DOCK4: variants seen among roughly 807,000 people sequenced by gnomAD.
DOCK4 encodes the protein dedicator of cytokinesis 4.
A neutral mutation model predicts 268.1 loss-of-function variants in DOCK4; 97 were observed. That is an observed-to-expected ratio of 0.36 (90% confidence interval 0.31 to 0.43). The LOEUF (loss-of-function observed/expected upper bound fraction) is 0.43. DOCK4 is among the 20% of genes least tolerant of loss of function. The pLI is 1.00. For synonymous variants in DOCK4, 954 were observed against 887.2 expected, an observed-to-expected ratio of 1.08 and a Z score of -1.34; for missense variants, 2,145 against 2,455.7, an observed-to-expected ratio of 0.87 and a Z score of 2.67.
intron 18 of DOCK4, 55 bp downstream of exon 18, chr7:111,872,412 A>T: frequency 6.5e-7 from 1 of 1,530,244 alleles, no homozygotes. Context: ...TTTCCTCCAA[A>T]TGTTCTTTAT....
At chr7:111,970,047 C>G (rs1797582806) in intron 8 of DOCK4, among the ~76,000 whole-genome samples, 1 of 152,116 alleles carries the variant, frequency 6.6e-6, no homozygotes, top group African/African-American at 2.4e-5. Flanking sequence ...CAGTGATTTC[C>G]CCTCTCCCTC....
chr7:111,732,708 C>T (rs1053650373), intron 51 of DOCK4, among the ~76,000 whole-genome samples: 1 of 152,198 alleles, frequency 6.6e-6, no homozygotes, highest in Non-Finnish European at 1.5e-5. Flanking sequence ...ACCATGGCCA[C>T]CCCAGCAGCC....
intron 13 of DOCK4, among the ~76,000 whole-genome samples, chr7:111,909,719 G>A (rs925562257): frequency 2.0e-5 from 3 of 152,178 alleles, no homozygotes; most frequent in African/African-American, 7.2e-5. Flanking sequence ...CAGCACTTTG[G>A]GAAGCTGAGG....
chr7:111,875,574 G>A (rs1216833747), intron 17 of DOCK4, among the ~76,000 whole-genome samples: 1 of 152,206 alleles, frequency 6.6e-6, no homozygotes, highest in Non-Finnish European at 1.5e-5. Flanking sequence ...AGATTACACT[G>A]GATTATCCAG....
intron 1 of DOCK4, among the ~76,000 whole-genome samples, chr7:112,085,076 C>T (rs1368864536): frequency 6.6e-6 from 1 of 152,088 alleles, no homozygotes; most frequent in African/African-American, 2.4e-5. Flanking sequence ...CTAGTATATT[C>T]ACTTCAACAT....
rs999781413 is a variant in DOCK4, at chr7:112,090,106, T to A, written c.38-85975A>T. 1.1e-4 allele frequency among the ~76,000 whole-genome samples: 16 copies of A among 152,290 alleles called. No homozygotes were observed. The East Asian group carries it at 2.3e-3, about 22-fold the overall frequency. On this transcript the variant is annotated intron_variant, in intron 1 of 52. Transcript: ENST00000428084. ...CAAGGATAAGCCCCTGGAACTTCTA[T>A]TTTAGCTTTTAGTCTCAAGGTAAAG...
chr7:112,014,035 T>A (rs1453876487), intron 1 of DOCK4, among the ~76,000 whole-genome samples: 3 of 152,342 alleles, frequency 2.0e-5, no homozygotes, highest in Non-Finnish European at 2.9e-5. Context: ...AGGTGTGCAG[T>A]TGACTTATTT....
chr7:111,746,473 A>T (rs1425333982), intron 43 of DOCK4, 56 bp from the exon 44 acceptor site: 2 of 1,428,166 alleles, frequency 1.4e-6, no homozygotes, highest in African/African-American at 2.8e-5. Flanking sequence ...CAAGTCAAAG[A>T]CAAGTTGTTT....
At chr7:111,772,125 G>C (rs966555619) in intron 36 of DOCK4, among the ~76,000 whole-genome samples, 1 of 152,174 alleles carries the variant, frequency 6.6e-6, no homozygotes, top group African/African-American at 2.4e-5. Flanking sequence ...GTGTTTAATG[G>C]GTACAGAGTT....
intron 1 of DOCK4, among the ~76,000 whole-genome samples, chr7:112,101,419 T>A (rs933236864): frequency 6.6e-6 from 1 of 152,206 alleles, no homozygotes; most frequent in Non-Finnish European, 1.5e-5. Flanking sequence ...GTATACACCG[T>A]TGCTTAGCAT....
At chr7:111,844,735 C>A in intron 25 of DOCK4, 28 bp downstream of exon 25, 1 of 1,600,440 alleles carries the variant, frequency 6.2e-7, no homozygotes, top group South Asian at 1.1e-5. Context: ...AGGCCCTGTT[C>A]CACGTGCCAT....
At chr7:111,815,059 T>C (rs1210575355) in intron 27 of DOCK4, among the ~76,000 whole-genome samples, 1 of 152,152 alleles carries the variant, frequency 6.6e-6, no homozygotes, top group African/African-American at 2.4e-5. Context: ...TCACAGCCAA[T>C]CAAAATTAAA....
intron 8 of DOCK4, chr7:111,953,784 G>A (rs561810664): frequency 8.5e-5 from 13 of 152,354 alleles, no homozygotes; most frequent in African/African-American, 3.1e-4. Context: ...TCTTCTACCA[G>A]GGAGAACAAA....
intron 22 of DOCK4, among the ~76,000 whole-genome samples, chr7:111,863,826 A>G (rs1200810025): frequency 6.6e-6 from 1 of 152,214 alleles, no homozygotes; most frequent in Non-Finnish European, 1.5e-5. Context: ...AGGATTGACA[A>G]AAACCTCACA....
rs1278766352 is a variant in DOCK4 at position 111,758,733 on chromosome 7, T to A, written c.4220A>T (p.Glu1407Val). The A allele has an allele frequency of 6.2e-7, 1 of 1,613,948 alleles. No homozygotes were observed. The highest frequency in any genetic ancestry group is 1.1e-5 in the South Asian group (1 of 91,082). ...IPESQEVLQREGVPDNIKSFY... is the reference protein window; with the variant it reads ...IPESQEVLQRVGVPDNIKSFY... ...GCTTTTGATGTTGTCCGGAACACCC[T>A]CTCTCTGCAGGACCTCCTGGCTCTC... Residue 1407 changes from glutamate to valine, a missense_variant, in exon 41 of 53, where the codon GAG (glutamate) becomes GTG (valine). Around this residue, in one of 2 missense-constraint regions of DOCK4, gnomAD observed 1,598 missense variants for 1,986.7 expected, o/e 0.80. Transcript: ENST00000428084.
At chr7:112,097,877 C>T (rs1439418374) in intron 1 of DOCK4, among the ~76,000 whole-genome samples, 2 of 152,192 alleles carry the variant, frequency 1.3e-5, no homozygotes, top group Non-Finnish European at 2.9e-5. Flanking sequence ...AAGCTAAATT[C>T]ATTGGTAGAA....
chr7:111,809,843 T>C (rs1234732368), intron 28 of DOCK4, among the ~76,000 whole-genome samples: 2 of 152,226 alleles, frequency 1.3e-5, no homozygotes, highest in Non-Finnish European at 2.9e-5. Flanking sequence ...TTGTAAAAAA[T>C]GCATACACTT....
intron 22 of DOCK4, among the ~76,000 whole-genome samples, chr7:111,867,485 G>A (rs143152855): frequency 6.6e-6 from 1 of 152,166 alleles, no homozygotes; most frequent in East Asian, 1.9e-4. Flanking sequence ...TCCGGTAATG[G>A]AGTTTGGCGG....
intron 8 of DOCK4, among the ~76,000 whole-genome samples, chr7:111,974,931 T>C (rs1017451972): frequency 6.6e-6 from 1 of 152,196 alleles, no homozygotes; most frequent in East Asian, 1.9e-4. Context: ...CCTATGATAA[T>C]GCGAAGTGGC....
Sources: allele counts gnomAD v4.1 joint callset (sites outside exome capture counted in the v4.1 genomes callset), GRCh38; gene constraint gnomAD v4.1.1; regional missense constraint gnomAD v4.1.1; transcripts MANE v1.5; gene names NCBI Gene and HGNC (gene_info 2026-07-23, HGNC 2026-07-21).